Variants in GRID1 observed in about 807,000 individuals in gnomAD.
GRID1 encodes the protein glutamate ionotropic receptor delta type subunit 1.
A neutral mutation model predicts 98.0 loss-of-function variants in GRID1; 28 were observed. The observed-to-expected ratio is 0.29, with a 90% CI of 0.21 to 0.39. The LOEUF is 0.39. GRID1 is among the 10% of genes least tolerant of loss of function. GRID1 has a pLI of 1.00. For synonymous variants in GRID1, 553 were observed against 538.5 expected, an observed-to-expected ratio of 1.03 and a Z score of -0.37; for missense variants, 1,111 against 1,340.5, an observed-to-expected ratio of 0.83 and a Z score of 2.67.
chr10:85,802,667 G>A (rs1842587267), intron 8 of GRID1, among the ~76,000 whole-genome samples: 1 of 151,806 alleles, frequency 6.6e-6, no homozygotes, highest in Admixed American at 6.6e-5. Context: ...AGAGGAACTG[G>A]TACTAGCACT....
chr10:86,082,932 C>T (rs1843998066), intron 4 of GRID1, among the ~76,000 whole-genome samples: 1 of 152,190 alleles, frequency 6.6e-6, no homozygotes, highest in South Asian at 2.1e-4. Flanking sequence ...ATGATCTCAG[C>T]TCTGGGTTTC....
intron 5 of GRID1, among the ~76,000 whole-genome samples, chr10:85,887,708 C>A (rs1255456118): frequency 6.6e-6 from 1 of 152,164 alleles, no homozygotes; most frequent in Non-Finnish European, 1.5e-5. Context: ...GTAACTTGGA[C>A]AAGGCACTTA....
intron 4 of GRID1, among the ~76,000 whole-genome samples, chr10:86,138,039 T>C (rs1844953911): frequency 6.6e-6 from 1 of 152,074 alleles, no homozygotes; most frequent in Admixed American, 6.5e-5. Context: ...CTGTGACCTG[T>C]TCAATCTGCC....
chr10:86,136,999 A>C (rs1049523823), intron 4 of GRID1, among the ~76,000 whole-genome samples: 3 of 152,190 alleles, frequency 2.0e-5, no homozygotes, highest in Non-Finnish European at 2.9e-5. Context: ...GACAAAAAAA[A>C]AAGTGGCCAC....
intron 8 of GRID1, among the ~76,000 whole-genome samples, chr10:85,733,815 G>C (rs1841850665): frequency 6.6e-6 from 1 of 152,032 alleles, no homozygotes; most frequent in African/African-American, 2.4e-5. Context: ...TTTTTTAAAA[G>C]CAGTGGTAAA....
chr10:85,670,290 A>G (rs1841069684), intron 12 of GRID1, among the ~76,000 whole-genome samples: 1 of 152,144 alleles, frequency 6.6e-6, no homozygotes. Flanking sequence ...AGACGATTCA[A>G]AGACCAAAAT....
intron 2 of GRID1, among the ~76,000 whole-genome samples, chr10:86,279,484 C>T (rs527829238): frequency 8.5e-4 from 129 of 152,302 alleles, no homozygotes; most frequent in African/African-American, 2.9e-3. Flanking sequence ...ATCACCATAT[C>T]ACCAAGCCCA....
At chr10:85,694,109 G>T (rs1380471597) in intron 12 of GRID1, among the ~76,000 whole-genome samples, 2 of 151,976 alleles carry the variant, frequency 1.3e-5, no homozygotes, top group East Asian at 1.9e-4. Flanking sequence ...TTAAAAAGTG[G>T]GTAAAGGAAA....
intron 8 of GRID1, among the ~76,000 whole-genome samples, chr10:85,847,544 A>G (rs1216281915): frequency 9.2e-5 from 14 of 152,234 alleles, no homozygotes; most frequent in Non-Finnish European, 2.9e-5. Context: ...ATCAATGAGG[A>G]GATATGCAAA....
At position 85,851,492 on chromosome 10, in the gene GRID1, T is replaced by A. The variant is rs530682033; in HGVS notation, c.1233+3004A>T. 5.3e-5 allele frequency among the ~76,000 whole-genome samples: 8 copies of A among 152,270 alleles called. No homozygotes were observed. The South Asian group carries it at 1.5e-3, about 28-fold the overall frequency. ...GCGATCACCCACTCCTTCCCTCCAA[T>A]GAAGGGGCTGAGTAATCTACAGTCT... On this transcript the variant is annotated intron_variant, in intron 8 of 15. Coordinates refer to ENST00000327946, the MANE Select transcript of GRID1 (RefSeq NM_017551.3).
rs1033793643 is a variant in GRID1, at chr10:86,365,119, G to C, written c.80-1023C>G. On this transcript the variant is annotated intron_variant, in intron 1 of 15. Transcript: ENST00000327946. This position sits in a 1 kb window ranked among gnomAD's most constrained non-coding sequence, Gnocchi z 4.8. ...CGGATTCCTCACTACACCCGGAGCC[G>C]GCGCCGCAATGCTGACCGCGAGACC... Among the ~76,000 whole-genome samples, 1 of 152,058 alleles carries C rather than the reference G, an allele frequency of 6.6e-6. No individual in the cohort carries two copies. Among genetic ancestry groups the C allele is most frequent in the Admixed American group, 6.5e-5 (1 of 15,270 alleles).
intron 8 of GRID1, among the ~76,000 whole-genome samples, chr10:85,737,456 T>C (rs983054683): frequency 2.6e-5 from 4 of 151,444 alleles, no homozygotes; most frequent in Non-Finnish European, 5.9e-5. Flanking sequence ...TAGCTTCTAC[T>C]ACCTTAAAGC....
intron 8 of GRID1, among the ~76,000 whole-genome samples, chr10:85,825,582 G>T (rs891999087): frequency 6.6e-5 from 10 of 152,112 alleles, no homozygotes; most frequent in Non-Finnish European, 1.5e-4. Context: ...TGTTAGTGTG[G>T]AAAAGGTAAA....
At chr10:86,240,209 CTG>C (rs1422776985) in intron 2 of GRID1, among the ~76,000 whole-genome samples, 3 of 152,232 alleles carry the variant, frequency 2.0e-5, no homozygotes, top group African/African-American at 4.8e-5. Flanking sequence ...GATAAGGAAA[CTG>C]TGGCTCAGAA....
At chr10:85,990,845 T>C (rs1024846964) in intron 4 of GRID1, among the ~76,000 whole-genome samples, 8 of 152,042 alleles carry the variant, frequency 5.3e-5, no homozygotes, top group Admixed American at 2.6e-4. Flanking sequence ...CGGAAACCAA[T>C]AGAATAAAAA....
At chr10:85,821,213 C>T (rs562449115) in intron 8 of GRID1, among the ~76,000 whole-genome samples, 10 of 151,436 alleles carry the variant, frequency 6.6e-5, no homozygotes, top group Admixed American at 3.3e-4. Flanking sequence ...ACCAAATAAA[C>T]CATTGTAACA....
At chr10:86,203,654 C>A (rs965356212) in intron 3 of GRID1, among the ~76,000 whole-genome samples, 1 of 151,906 alleles carries the variant, frequency 6.6e-6, no homozygotes, top group Non-Finnish European at 1.5e-5. Context: ...TAAAAGAGTT[C>A]TCTGGCCTCC....
At chr10:85,926,242 G>A (rs913204041) in intron 4 of GRID1, among the ~76,000 whole-genome samples, 7 of 152,122 alleles carry the variant, frequency 4.6e-5, no homozygotes, top group Admixed American at 3.3e-4. Context: ...GGGCATAAAC[G>A]ATTGTTTACC....
rs778137253 is a variant in GRID1 at position 85,916,173 on chromosome 10, C to T, written c.780+13G>A. 2 of 1,605,166 alleles carry T rather than the reference C, an allele frequency of 1.2e-6. No homozygotes were observed. The highest frequency in any genetic ancestry group is 2.2e-5 in the South Asian group (2 of 90,872). ...AGTCCAGGCCGTGCTCATCACATTT[C>T]TAGAGCCCTTACCTCATTCACAAAG... On this transcript the variant is annotated intron_variant, in intron 5 of 15. Transcript: ENST00000327946. The surrounding 1 kb of genome is among the most constrained non-coding windows in gnomAD (Gnocchi z 4.0).
Sources: allele counts gnomAD v4.1 joint callset (sites outside exome capture counted in the v4.1 genomes callset), GRCh38; gene constraint gnomAD v4.1.1; non-coding constraint Gnocchi (gnomAD v3.1); transcripts MANE v1.5; gene names NCBI Gene and HGNC (gene_info 2026-07-23, HGNC 2026-07-21).